Variants in EPHB4 observed in about 807,000 individuals in gnomAD.
EPHB4 encodes the protein ephrin type-B receptor 4.
Under a neutral mutation model 110.6 loss-of-function variants are expected in EPHB4, and 50 were observed. The ratio of observed to expected loss-of-function variants is 0.45; its 90% CI spans 0.36 to 0.57. EPHB4 has a LOEUF of 0.57. Among genes scored for constraint, EPHB4 ranks in the 20% least tolerant of loss-of-function variants. The pLI, the probability that EPHB4 is intolerant of heterozygous loss-of-function variation, is 0.00. For missense variants in EPHB4, 1,128 were observed against 1,382.1 expected (o/e 0.82, Z 2.91); for synonymous variants, 592 against 578.4 (o/e 1.02, Z -0.34).
rs968174852 is a variant in EPHB4 at position 100,813,716 on chromosome 7, C to G, written c.1692G>C (p.Arg564Ser). The change falls in exon 10 of 17, where the codon AGG becomes AGC. Residue 564 changes from arginine (R) to serine (S), a missense_variant and splice_region_variant. Physicochemically the swap from Arg to Ser is moderately radical, Grantham distance 110. Around this residue, in one of 3 missense-constraint regions of EPHB4, gnomAD observed 728 missense variants for 828.6 expected, o/e 0.88. Transcript: ENST00000358173. ...VVIVVAVLCL[R>S]KQSNGREAEY... ...CTGCTTCTCTCCCATTGCTCTGCTT[C>G]CTGTAGCCGATGGGAAAGGAACAAA... 18 of 1,614,210 alleles carry G rather than the reference C, an allele frequency of 1.1e-5. No individual in the cohort carries two copies. Among genetic ancestry groups the G allele is most frequent in the Middle Eastern group, 1.6e-4 (1 of 6,062 alleles).
rs1813251892 is a variant in EPHB4 at position 100,822,201 on chromosome 7, T to C, written c.808+70A>G. The stretch of plus-strand genomic sequence containing the variant: ...CTATACAAAATGGAAACTTAAGAAG[T>C]GGGTCCTGAGTGGAGTTCAGGACTC... On this transcript the variant is annotated intron_variant, in intron 4 of 16. Coordinates refer to ENST00000358173, the MANE Select transcript of EPHB4 (RefSeq NM_004444.5). The surrounding 1 kb of genome is among the most constrained non-coding windows in gnomAD (Gnocchi z 4.7). The C allele has an allele frequency of 1.4e-6, 2 of 1,474,964 alleles. No homozygotes were observed. Among genetic ancestry groups the C allele is most frequent in the South Asian group, 1.3e-5 (1 of 74,956 alleles). 91.4% of individuals were successfully genotyped at this position (1,474,964 alleles called of 1,614,324 possible).
Position 100,826,962 on chromosome 7 carries a change from C to CG in EPHB4, c.52+16_52+17insC, listed in dbSNP as rs1554421537. ...CCAGGAGTGACGGGGTGCGCCCCCC[C>CG]CCGCAAGGAAACTCACCTTCCAAAG... On this transcript the variant is annotated intron_variant, in intron 1 of 16. Coordinates refer to ENST00000358173, the MANE Select transcript of EPHB4 (RefSeq NM_004444.5). 2 of 1,527,348 alleles carry CG rather than the reference C, an allele frequency of 1.3e-6. No individual in the cohort carries two copies. The highest frequency in any genetic ancestry group is 1.9e-5 in the Admixed American group (1 of 51,542). The allele number at this position is 1,527,348 out of a possible 1,614,324, so 94.6% of individuals were successfully genotyped here.
At chr7:100,814,222 T>C in intron 8 of EPHB4, 1 of 545,888 alleles carries the variant, frequency 1.8e-6, no homozygotes, top group Non-Finnish European at 3.2e-6. Context: ...CAGGCTCCTC[T>C]GAAGTACCTC....
chr7:100,813,549 C>T, intron 10 of EPHB4, 103 bp downstream of exon 10: 2 of 1,278,762 alleles, frequency 1.6e-6, no homozygotes, highest in Non-Finnish European at 2.2e-6. Context: ...CTCCTGACCT[C>T]AAGTGATCTG....
rs756541015 is a variant in EPHB4 at position 100,819,820 on chromosome 7, G to C, written c.1034C>G (p.Ala345Gly). 1.9e-6 allele frequency: 3 copies of C among 1,559,422 alleles called. No homozygotes were observed. The highest frequency in any genetic ancestry group is 2.6e-6 in the Non-Finnish European group (3 of 1,152,172). Residue 345 changes from alanine to glycine, a missense_variant, in exon 6 of 17, where the codon GCC (alanine) becomes GGC (glycine). Ala to Gly is a moderately conservative substitution (Grantham distance 60). Around this residue, in one of 3 missense-constraint regions of EPHB4, gnomAD observed 728 missense variants for 828.6 expected, o/e 0.88. Coordinates refer to ENST00000358173, the MANE Select transcript of EPHB4 (RefSeq NM_004444.5). ...CTCTCGGCCACCAGACTCCAGGGGG[G>C]CACTCCATTCCAGGTGCAGGGAGGA... ...NGSSLHLEWS[A>G]PLESGGREDL...
At chr7:100,803,973 T>C (rs1812757898) in intron 16 of EPHB4, among the ~76,000 whole-genome samples, 1 of 151,274 alleles carries the variant, frequency 6.6e-6, no homozygotes, top group Non-Finnish European at 1.5e-5. Context: ...GAAGAGGAGG[T>C]TGCTGATGGC....
Position 100,824,030 on chromosome 7 carries a change from G to A in EPHB4, c.124-99C>T, listed in dbSNP as rs1813310749. ...AAGTGAGAGGGACTGAGAAAGGGGG[G>A]CTGCTGGTACTGCGAGGAGGGCGCC... On this transcript the variant is annotated intron_variant, in intron 2 of 16. Transcript: ENST00000358173. 6 of 1,510,902 alleles carry A rather than the reference G, an allele frequency of 4.0e-6. No homozygotes were observed. In the African/African-American group the frequency reaches 5.5e-5, roughly 14 times the overall value. 93.6% of individuals were successfully genotyped at this position (1,510,902 alleles called of 1,614,324 possible).
At position 100,812,771 on chromosome 7, in the gene EPHB4, G is replaced by T; in HGVS notation, c.2094C>A (p.Asn698Lys). Residue 698 changes from asparagine to lysine, a missense_variant, in exon 12 of 17, where the codon AAC (asparagine) becomes AAA (lysine). By Grantham distance (94) the Asn-to-Lys change is moderately conservative (BLOSUM62 0). Transcript: ENST00000358173. ...CCCGCAGGAAGGAGTCCAGGGCGCC[G>T]TTCTCCATGAACTCTGTGAGAATCA... ...PVMILTEFME[N>K]GALDSFLRLN... The T allele has an allele frequency of 6.2e-7, 1 of 1,613,956 alleles. No homozygotes were observed. The highest frequency in any genetic ancestry group is 8.5e-7 in the Non-Finnish European group (1 of 1,180,026).
At position 100,822,223 on chromosome 7, in the gene EPHB4, ACT is replaced by A. The variant is rs1255374753; in HGVS notation, c.808+46_808+47del. On this transcript the variant is annotated intron_variant, in intron 4 of 16. Transcript: ENST00000358173. This position sits in a 1 kb window ranked among gnomAD's most constrained non-coding sequence, Gnocchi z 4.7. ...AAGTGGGTCCTGAGTGGAGTTCAGG[ACT>A]CTCCCCCGGATGAGCAGCAGTCGCA... 1 of 1,526,188 alleles carries A rather than the reference ACT, an allele frequency of 6.6e-7. No individual in the cohort carries two copies. Among genetic ancestry groups the A allele is most frequent in the Non-Finnish European group, 8.8e-7 (1 of 1,137,958 alleles). 94.5% of individuals were successfully genotyped at this position (1,526,188 alleles called of 1,614,324 possible).
At position 100,815,242 on chromosome 7, in the gene EPHB4, G is replaced by A. The variant is rs1813039533; in HGVS notation, c.1589-1221C>T. ...GGAGGCTGAGGTGGGAGGATCACTT[G>A]AGCCTGGGAGGTTGAGGCTGCAGTG... On this transcript the variant is annotated intron_variant, in intron 8 of 16. Transcript: ENST00000358173. Among the ~76,000 whole-genome samples, 3 of 152,174 alleles carry A rather than the reference G, an allele frequency of 2.0e-5. No homozygotes were observed. The South Asian group carries it at 6.2e-4, about 32-fold the overall frequency.
rs371520533 is a variant in EPHB4, at chr7:100,813,905, G to A, written c.1691+14C>T. 4 of 1,613,594 alleles carry A rather than the reference G, an allele frequency of 2.5e-6. No homozygotes were observed. The highest frequency in any genetic ancestry group is 1.7e-5 in the Admixed American group (1 of 59,926). On this transcript the variant is annotated intron_variant, in intron 9 of 16. Coordinates refer to ENST00000358173, the MANE Select transcript of EPHB4 (RefSeq NM_004444.5). ...TGAGGGCTTCCAGGGGCCTCTGGGT[G>A]TCAGAGCCCTTACCTGAGGCAGAGA... is the stretch of plus-strand genomic sequence containing the variant.
At position 100,813,919 on chromosome 7, in the gene EPHB4, C is replaced by T. The variant is rs1813005672; in HGVS notation, c.1691G>A (p.Arg564Lys). 2 of 1,614,050 alleles carry T rather than the reference C, an allele frequency of 1.2e-6. No individual in the cohort carries two copies. The highest frequency in any genetic ancestry group is 1.7e-6 in the Non-Finnish European group (2 of 1,179,980). ...GGCCTCTGGGTGTCAGAGCCCTTAC[C>T]TGAGGCAGAGAACTGCGACCACAAT... is the stretch of plus-strand genomic sequence containing the variant. ...VVIVVAVLCL[R>K]KQSNGREAEY... Residue 564 changes from arginine (R) to lysine (K), a missense_variant and splice_region_variant, in exon 9 of 17, where the codon AGG (arginine) becomes AAG (lysine). This residue lies in a region of EPHB4 where 728 missense variants were observed against 828.6 expected (regional missense o/e 0.88). Coordinates refer to ENST00000358173, the MANE Select transcript of EPHB4 (RefSeq NM_004444.5).
intron 7 of EPHB4, 117 bp downstream of exon 7, chr7:100,818,403 G>C: frequency 1.3e-6 from 2 of 1,496,918 alleles, no homozygotes; most frequent in Non-Finnish European, 1.8e-6. Context: ...AGGCTGCCCA[G>C]GGAATCCATG....
intron 16 of EPHB4, among the ~76,000 whole-genome samples, chr7:100,804,503 TA>T (rs1812772009): frequency 6.6e-6 from 1 of 151,784 alleles, no homozygotes; most frequent in African/African-American, 2.4e-5. Context: ...TTAGTAGACA[TA>T]AGGTTTCACC....
intron 13 of EPHB4, 88 bp downstream of exon 13, chr7:100,807,277 C>A (rs1359976298): frequency 1.4e-6 from 2 of 1,392,992 alleles, no homozygotes; most frequent in African/African-American, 2.8e-5. Flanking sequence ...TGGAGCAGGG[C>A]TGCCAAACCC....
At chr7:100,817,120 G>A in intron 8 of EPHB4, 72 bp downstream of exon 8, 1 of 1,204,264 alleles carries the variant, frequency 8.3e-7, no homozygotes. Flanking sequence ...TGGGACTTTG[G>A]AGACCTGGGG....
intron 8 of EPHB4, among the ~76,000 whole-genome samples, chr7:100,816,152 T>A (rs314362): frequency 6.6e-6 from 1 of 151,244 alleles, no homozygotes; most frequent in South Asian, 2.1e-4. Context: ...GGCAACAGAG[T>A]GAGACTCCGT....
At chr7:100,816,015 G>T (rs188676826) in intron 8 of EPHB4, among the ~76,000 whole-genome samples, 52 of 151,216 alleles carry the variant, frequency 3.4e-4, no homozygotes, top group South Asian at 1.0e-3. Context: ...TAGGCCGGGC[G>T]TGGTGGCTCA....
chr7:100,823,874 A>T lies in EPHB4; in HGVS notation c.181T>A (p.Cys61Ser). 6.2e-7 allele frequency: 1 copy of T among 1,611,544 alleles called. No individual in the cohort carries two copies. Among genetic ancestry groups the T allele is most frequent in the East Asian group, 2.2e-5 (1 of 44,810 alleles). Residue 61 changes from cysteine to serine, a missense_variant, in exon 3 of 17, where the codon TGT (cysteine) becomes AGT (serine). Coordinates refer to ENST00000358173, the MANE Select transcript of EPHB4 (RefSeq NM_004444.5). ...EQHSVRTYEV[C>S]DVQRAPGQAH... is the part of the protein sequence containing the mutation. ...TGGCCCGGGGCACGCTGCACGTCAC[A>T]CACTTCGTAGGTGCGCACGCTGTGC...
Sources: allele counts gnomAD v4.1 joint callset (sites outside exome capture counted in the v4.1 genomes callset), GRCh38; gene constraint gnomAD v4.1.1; regional missense constraint gnomAD v4.1.1; non-coding constraint Gnocchi (gnomAD v3.1); transcripts MANE v1.5; gene names NCBI Gene and HGNC (gene_info 2026-07-23, HGNC 2026-07-21).